The following ANGPT1 variants were observed in gnomAD, a reference collection of about 807,000 sequenced individuals.
ANGPT1 encodes angiopoietin 1, also known as angiopoietin-1.
In ANGPT1, 17 loss-of-function variants were observed where a neutral mutation model predicts 62.2. The ratio of observed to expected loss-of-function variants is 0.27; its 90% CI spans 0.19 to 0.41. The LOEUF is 0.41. Ranked by LOEUF, ANGPT1 falls within the 10% of genes least tolerant of loss-of-function variation. The pLI, the probability that ANGPT1 is intolerant of heterozygous loss-of-function variation, is 1.00. For missense variants in ANGPT1, 478 were observed against 594.9 expected, an observed-to-expected ratio of 0.80 and a Z score of 2.04; for synonymous variants, 199 against 198.9, an observed-to-expected ratio of 1.00 and a Z score of 0.00.
At chr8:107,288,683 C>T (rs1312434267) in intron 6 of ANGPT1, among the ~76,000 whole-genome samples, 5 of 152,010 alleles carry the variant, frequency 3.3e-5, no homozygotes, top group African/African-American at 1.2e-4. Flanking sequence ...CTAAAAAGAA[C>T]ATATTAATTA....
intron 1 of ANGPT1, among the ~76,000 whole-genome samples, chr8:107,383,640 T>A (rs1263192720): frequency 6.6e-6 from 1 of 151,996 alleles, no homozygotes; most frequent in Admixed American, 6.6e-5. Flanking sequence ...ATCTTGAAAA[T>A]TTTTCAGCCT....
chr8:107,277,265 G>GA (rs2130100194), intron 7 of ANGPT1, among the ~76,000 whole-genome samples: 1 of 152,118 alleles, frequency 6.6e-6, no homozygotes, highest in South Asian at 2.1e-4. Context: ...CCCAAGATCT[G>GA]AAAATAATTA....
intron 1 of ANGPT1, among the ~76,000 whole-genome samples, chr8:107,402,390 T>C (rs1283690): frequency 0.52 from 78,960 of 152,014 alleles, 21,275 homozygotes; most frequent in Middle Eastern, 0.62. Flanking sequence ...ACAAAATATT[T>C]GTCCAGATAA....
chr8:107,494,496 G>A (rs1018413502), intron 1 of ANGPT1: 2 of 152,132 alleles, frequency 1.3e-5, no homozygotes, highest in Non-Finnish European at 2.9e-5. Flanking sequence ...ATAAAACTAT[G>A]ATGTTAGGCA....
intron 1 of ANGPT1, among the ~76,000 whole-genome samples, chr8:107,436,383 T>C (rs1297897875): frequency 6.6e-6 from 1 of 152,236 alleles, no homozygotes; most frequent in Non-Finnish European, 1.5e-5. Context: ...ATTGCATTCA[T>C]CCTCCAGAAT....
intron 1 of ANGPT1, among the ~76,000 whole-genome samples, chr8:107,494,253 A>G (rs1271067526): frequency 6.6e-6 from 1 of 152,204 alleles, no homozygotes; most frequent in Admixed American, 6.5e-5. Flanking sequence ...GAGATGTGGG[A>G]GACAGAAAAC....
At chr8:107,388,640 T>C (rs1763259788) in intron 1 of ANGPT1, among the ~76,000 whole-genome samples, 1 of 152,032 alleles carries the variant, frequency 6.6e-6, no homozygotes, top group South Asian at 2.1e-4. Flanking sequence ...TAGCATAGTC[T>C]CTAGAGTGGA....
At chr8:107,494,985 T>G (rs755164958) in intron 1 of ANGPT1, 19 of 152,262 alleles carry the variant, frequency 1.2e-4, no homozygotes, top group Admixed American at 8.5e-4. Context: ...GGAATCAAAA[T>G]AGAAGTAATA....
At chr8:107,283,745 T>A (rs1162863498) in intron 7 of ANGPT1, among the ~76,000 whole-genome samples, 1 of 152,126 alleles carries the variant, frequency 6.6e-6, no homozygotes, top group African/African-American at 2.4e-5. Flanking sequence ...TCATTACAAC[T>A]CTAATTTACT....
chr8:107,267,413 C>T (rs1267431812), intron 7 of ANGPT1, among the ~76,000 whole-genome samples: 1 of 152,084 alleles, frequency 6.6e-6, no homozygotes, highest in Non-Finnish European at 1.5e-5. Context: ...ATTAGGATTA[C>T]AATATAATCC....
intron 1 of ANGPT1, among the ~76,000 whole-genome samples, chr8:107,473,919 A>G (rs1440357974): frequency 6.6e-6 from 1 of 152,112 alleles, no homozygotes; most frequent in Non-Finnish European, 1.5e-5. Flanking sequence ...GACCAATAAC[A>G]AGTTCTGAAA....
intron 1 of ANGPT1, among the ~76,000 whole-genome samples, chr8:107,457,860 A>ACG (rs547719326): frequency 0.076 from 10,773 of 142,368 alleles, 447 homozygotes; most frequent in South Asian, 0.12. Context: ...ACACACACAC[A>ACG]CACACACCAA....
chr8:107,283,830 G>A (rs537691083), intron 7 of ANGPT1, among the ~76,000 whole-genome samples: 1 of 152,264 alleles, frequency 6.6e-6, no homozygotes, highest in South Asian at 2.1e-4. Context: ...AGCAGTAGAA[G>A]AGTAACTAAA....
At chr8:107,313,646 T>C (rs1350522869) in intron 4 of ANGPT1, among the ~76,000 whole-genome samples, 3 of 151,430 alleles carry the variant, frequency 2.0e-5, no homozygotes, top group Non-Finnish European at 4.4e-5. Context: ...GATTTCACTG[T>C]GTTAGCCAGG....
intron 1 of ANGPT1, among the ~76,000 whole-genome samples, chr8:107,448,048 G>T (rs1811665741): frequency 6.6e-6 from 1 of 152,282 alleles, no homozygotes; most frequent in African/African-American, 2.4e-5. Flanking sequence ...TGCTGTTTGT[G>T]TGAGTACACA....
At chr8:107,491,706 G>A (rs1399537174) in intron 1 of ANGPT1, among the ~76,000 whole-genome samples, 1 of 152,174 alleles carries the variant, frequency 6.6e-6, no homozygotes. Context: ...AGTAAATGAT[G>A]GGGCCAGTGA....
intron 1 of ANGPT1, among the ~76,000 whole-genome samples, chr8:107,354,271 C>T (rs1226483644): frequency 6.6e-6 from 1 of 152,170 alleles, no homozygotes; most frequent in East Asian, 1.9e-4. Flanking sequence ...AGCATATTTG[C>T]ACGTCTGCTT....
In ANGPT1 at chr8:107,284,818, G is replaced by A. The variant is rs1421724472; in HGVS notation, c.1069C>T (p.Leu357=). 2 of 1,603,902 alleles carry A rather than the reference G, an allele frequency of 1.2e-6. No homozygotes were observed. Among genetic ancestry groups the A allele is most frequent in the South Asian group, 1.1e-5 (1 of 89,342 alleles). Residue 357 remains leucine (L), a synonymous_variant, in exon 7 of 9, where the codon CTG becomes TTG. Transcript: ENST00000517746. ...GFGNPSGEYW[L]GNEFIFAITS... is the part of the protein sequence containing the mutation. Reference sequence around the variant, plus strand: ...ATGGCAAAAATAAACTCATTCCCCAGCCAATATTCACCGGAGGGATTTCCA... The same window carrying A: ...ATGGCAAAAATAAACTCATTCCCCAACCAATATTCACCGGAGGGATTTCCA...
intron 1 of ANGPT1, among the ~76,000 whole-genome samples, chr8:107,438,195 T>A (rs191915462): frequency 1.7e-4 from 26 of 152,360 alleles, no homozygotes; most frequent in Non-Finnish European, 2.1e-4. Flanking sequence ...TAATGGCCCA[T>A]GTGAAATCCC....
Sources: allele counts gnomAD v4.1 joint callset (sites outside exome capture counted in the v4.1 genomes callset), GRCh38; gene constraint gnomAD v4.1.1; transcripts MANE v1.5; gene names NCBI Gene and HGNC (gene_info 2026-07-23, HGNC 2026-07-21).